GOLGB1: variants seen among roughly 807,000 people sequenced by gnomAD.
The protein encoded by GOLGB1 is golgin B1.
Under a neutral mutation model 336.9 loss-of-function variants are expected in GOLGB1, and 174 were observed. The observed-to-expected ratio is 0.52, with a 90% CI of 0.46 to 0.59. The LOEUF (loss-of-function observed/expected upper bound fraction) is 0.59, where lower values mean the gene tolerates loss of function less well. Among genes scored for constraint, GOLGB1 ranks in the 20% least tolerant of loss-of-function variants. The pLI, the probability that GOLGB1 is intolerant of heterozygous loss-of-function variation, is 0.00. For synonymous variants in GOLGB1, 1,208 were observed against 1,289.2 expected, an observed-to-expected ratio of 0.94 and a Z score of 1.35; for missense variants, 3,331 against 3,645.3, an observed-to-expected ratio of 0.91 and a Z score of 2.22.
chr3:121,682,206 CACA>C (rs1941160990), intron 14 of GOLGB1, among the ~76,000 whole-genome samples: 1 of 152,158 alleles, frequency 6.6e-6, no homozygotes, highest in Non-Finnish European at 1.5e-5. Context: ...TGTGGGTGGT[CACA>C]TCCTAAAACA....
In GOLGB1 at chr3:121,748,899, T is replaced by G. The variant is rs1015185519; in HGVS notation, c.-3+733A>C. The G allele has an allele frequency of 2.5e-5, 25 of 984,024 alleles. No homozygotes were observed. The African/African-American group carries it at 3.8e-4, about 15-fold the overall frequency. 61.0% of individuals were successfully genotyped at this position (984,024 alleles called of 1,614,324 possible). A position where few individuals can be genotyped will look rare whatever the true frequency, so the allele number is the denominator to read the frequency against. On this transcript the variant is annotated intron_variant, in intron 1 of 21. Transcript: ENST00000614479. ...TCCTCATTCCTCAAAGGACTCACCC[T>G]CCCTTTCACATTCCGGTTGTGCAGA...
chr3:121,667,464 T>C lies in GOLGB1; in HGVS notation c.9554+12A>G. 2 of 1,612,590 alleles carry C rather than the reference T, an allele frequency of 1.2e-6. No individual in the cohort carries two copies. Among genetic ancestry groups the C allele is most frequent in the Non-Finnish European group, 1.7e-6 (2 of 1,178,870 alleles). On this transcript the variant is annotated intron_variant, in intron 20 of 21. Coordinates refer to ENST00000614479, the MANE Select transcript of GOLGB1 (RefSeq NM_001366282.2). ...TCGGAAGGGAACAGAGGCTATCTCCTTCAGCCTTTACCGTCTGATCTGCTC... is the reference window on the plus strand; with the variant it reads ...TCGGAAGGGAACAGAGGCTATCTCCCTCAGCCTTTACCGTCTGATCTGCTC...
intron 15 of GOLGB1, among the ~76,000 whole-genome samples, chr3:121,678,023 C>G (rs1940628990): frequency 6.6e-6 from 1 of 152,206 alleles, no homozygotes; most frequent in Admixed American, 6.5e-5. Flanking sequence ...TTTATCTTTT[C>G]TCTTGAGATT....
chr3:121,724,254 T>C (rs1158550718), intron 5 of GOLGB1, among the ~76,000 whole-genome samples: 1 of 152,000 alleles, frequency 6.6e-6, no homozygotes, highest in Non-Finnish European at 1.5e-5. Flanking sequence ...TCCTTGGAGA[T>C]TGGTTAAGCG....
At chr3:121,678,418 G>A (rs548022962) in intron 15 of GOLGB1, among the ~76,000 whole-genome samples, 2 of 152,258 alleles carry the variant, frequency 1.3e-5, no homozygotes, top group South Asian at 4.1e-4. Context: ...CCCCTTGTAA[G>A]CTGGATAGAA....
At chr3:121,724,797 C>A (rs550411221) in intron 5 of GOLGB1, among the ~76,000 whole-genome samples, 2 of 152,284 alleles carry the variant, frequency 1.3e-5, no homozygotes, top group South Asian at 4.1e-4. Flanking sequence ...GCCCAAAGCC[C>A]TAAGAGGACA....
chr3:121,719,390 A>G (rs1431260673), intron 7 of GOLGB1, among the ~76,000 whole-genome samples: 1 of 152,218 alleles, frequency 6.6e-6, no homozygotes, highest in Non-Finnish European at 1.5e-5. Context: ...AGAGAAACCA[A>G]TTTTTGACTA....
chr3:121,726,109 A>C (rs1490854287), intron 5 of GOLGB1, among the ~76,000 whole-genome samples: 30 of 151,942 alleles, frequency 2.0e-4, no homozygotes, highest in Non-Finnish European at 7.4e-5. Context: ...TCAAAATTGC[A>C]ATCTATTTCA....
At chr3:121,700,370 C>T (rs1576364051) in intron 11 of GOLGB1, among the ~76,000 whole-genome samples, 1 of 151,980 alleles carries the variant, frequency 6.6e-6, no homozygotes, top group East Asian at 1.9e-4. Context: ...TGACACAACC[C>T]GAAAGGTTAC....
In GOLGB1 at chr3:121,667,587, A is replaced by AGCT; in HGVS notation, c.9440_9442dup (p.Gln3147dup). On this transcript the variant is annotated inframe_insertion, in exon 20 of 22. Coordinates refer to ENST00000614479, the MANE Select transcript of GOLGB1 (RefSeq NM_001366282.2). ...ATTCACTTCCTGTCTGGTGTTGCAT[A>AGCT]GCTGCTGCTGAGCTTCAGAAAAGCT... The AGCT allele has an allele frequency of 6.2e-7, 1 of 1,614,044 alleles. No individual in the cohort carries two copies. The highest frequency in any genetic ancestry group is 8.5e-7 in the Non-Finnish European group (1 of 1,179,914).
chr3:121,747,605 T>G (rs192223504), intron 1 of GOLGB1, among the ~76,000 whole-genome samples: 239 of 151,876 alleles, frequency 1.6e-3, no homozygotes, highest in African/African-American at 5.3e-3. Flanking sequence ...ATATTGAAAG[T>G]GCCTAATATA....
At chr3:121,673,969 C>T (rs1939957656) in intron 17 of GOLGB1, among the ~76,000 whole-genome samples, 1 of 152,162 alleles carries the variant, frequency 6.6e-6, no homozygotes. Flanking sequence ...GATCCACTCA[C>T]CTTGGCCTCC....
Position 121,698,052 on chromosome 3 carries a change from A to T in GOLGB1, c.2471T>A (p.Leu824Gln). 1 of 1,614,056 alleles carries T rather than the reference A, an allele frequency of 6.2e-7. No homozygotes were observed. The highest frequency in any genetic ancestry group is 8.5e-7 in the Non-Finnish European group (1 of 1,179,952). The change falls in exon 13 of 22, where the codon CTG (leucine) becomes CAG (glutamine). Residue 824 changes from leucine to glutamine, a missense_variant. Transcript: ENST00000614479. ...DVKIEVLQNE[L>Q]DDVQLQFSEQ... Reference sequence around the variant, plus strand: ...AGAAAACTGAAGCTGCACATCATCCAGTTCATTCTGTAAAACTTCAATTTT... The same window carrying T: ...AGAAAACTGAAGCTGCACATCATCCTGTTCATTCTGTAAAACTTCAATTTT...
At position 121,697,626 on chromosome 3, in the gene GOLGB1, T is replaced by C. The variant is rs150566482; in HGVS notation, c.2897A>G (p.Gln966Arg). The part of the protein sequence containing the change: ...EDNEVSSGLK[Q>R]NYDEMSPAGQ... ...TGCTGGGCTCATCTCATCATAATTT[T>C]GTTTAAGGCCAGAAGAAACTTCATT... The change falls in exon 13 of 22, where the codon CAA becomes CGA. Residue 966 changes from glutamine to arginine, a missense_variant. By Grantham distance (43) the Gln-to-Arg change is conservative. Transcript: ENST00000614479. 1.5e-3 allele frequency: 2,357 copies of C among 1,612,832 alleles called. 1 individual carries two copies. Among genetic ancestry groups the C allele is most frequent in the Non-Finnish European group, 1.9e-3 (2,225 of 1,179,836 alleles).
chr3:121,737,769 G>A (rs1234118909), intron 1 of GOLGB1, among the ~76,000 whole-genome samples: 5 of 152,034 alleles, frequency 3.3e-5, no homozygotes, highest in African/African-American at 1.2e-4. Flanking sequence ...ATAGTGTTTA[G>A]GGCAGCCATG....
chr3:121,726,969 G>T lies in GOLGB1; in HGVS notation c.475C>A (p.Leu159Ile), dbSNP rs115429233. ...AGCTGGGCTTGCAAAGTGCTGATTAGTTCCTCCTTCTCCTGGAGCTTATGT... is the reference window on the plus strand; with the variant it reads ...AGCTGGGCTTGCAAAGTGCTGATTATTTCCTCCTTCTCCTGGAGCTTATGT... ...IKHKLQEKEE[L>I]ISTLQAQLTQ... Residue 159 changes from leucine (L) to isoleucine (I), a missense_variant, in exon 5 of 22, where the codon CTA becomes ATA. Leu to Ile is a conservative substitution (Grantham distance 5). Coordinates refer to ENST00000614479, the MANE Select transcript of GOLGB1 (RefSeq NM_001366282.2). 36 of 1,604,760 alleles carry T rather than the reference G, an allele frequency of 2.2e-5. No individual in the cohort carries two copies. In the East Asian group the frequency reaches 7.4e-4, roughly 33 times the overall value.
rs749702488 is a variant in GOLGB1 at position 121,698,532 on chromosome 3, A to T, written c.1991T>A (p.Val664Glu). Reference sequence around the variant, plus strand: ...ATCCTGCTTTGTTGATTTCAATTCTACTCCAGCATCATTTAAAGATATTTC... The same window carrying T: ...ATCCTGCTTTGTTGATTTCAATTCTTCTCCAGCATCATTTAAAGATATTTC... The part of the protein sequence containing the change: ...SEEISLNDAG[V>E]ELKSTKQDGD... Residue 664 changes from valine to glutamate, a missense_variant, in exon 13 of 22, where the codon GTA becomes GAA. Transcript: ENST00000614479. The T allele has an allele frequency of 1.2e-6, 2 of 1,613,280 alleles. No homozygotes were observed. Among genetic ancestry groups the T allele is most frequent in the Non-Finnish European group, 1.7e-6 (2 of 1,179,638 alleles).
chr3:121,719,676 G>A lies in GOLGB1; in HGVS notation c.741C>T (p.Thr247=), dbSNP rs769739950. Residue 247 remains threonine, a synonymous_variant, in exon 7 of 22, where the codon ACC becomes ACT. Transcript: ENST00000614479. ...LHEDELLQLV[T]QADVETEMQQ... ...GCATCTCTGTTTCCACATCTGCCTG[G>A]GTTACTAACTGAAGAAGCTCATCTT... 3.7e-5 allele frequency: 59 copies of A among 1,610,110 alleles called. No homozygotes were observed. The highest frequency in any genetic ancestry group is 4.8e-5 in the Non-Finnish European group (57 of 1,178,042).
intron 6 of GOLGB1, 61 bp downstream of exon 6, chr3:121,722,201 C>T (rs898501875): frequency 2.7e-5 from 24 of 897,646 alleles, no homozygotes; most frequent in Non-Finnish European, 3.9e-5. Flanking sequence ...ACTGAATTGA[C>T]TTGTGCGTAA....
Sources: allele counts gnomAD v4.1 joint callset (sites outside exome capture counted in the v4.1 genomes callset), GRCh38; gene constraint gnomAD v4.1.1; transcripts MANE v1.5; gene names NCBI Gene and HGNC (gene_info 2026-07-23, HGNC 2026-07-21).